Variants in LIN7A observed in about 807,000 individuals in gnomAD.
LIN7A encodes protein lin-7 homolog A.
LIN7A carries 25 observed loss-of-function variants against 29.8 expected under a neutral mutation model. The ratio of observed to expected loss-of-function variants is 0.84; its 90% CI spans 0.61 to 1.17. LIN7A has a LOEUF of 1.17. LIN7A is among the 50% of genes most tolerant of loss of function. The pLI, the probability that LIN7A is intolerant of heterozygous loss-of-function variation, is 0.00. For synonymous variants in LIN7A, 118 were observed against 107.5 expected (o/e 1.10, Z -0.60); for missense variants, 239 against 287.0 (o/e 0.83, Z 1.21).
At chr12:80,906,860 G>A (rs1422924083) in intron 1 of LIN7A, among the ~76,000 whole-genome samples, 1 of 152,076 alleles carries the variant, frequency 6.6e-6, no homozygotes, top group Non-Finnish European at 1.5e-5. Flanking sequence ...AAAAAGAACG[G>A]AGCTAGGAAC....
At chr12:80,923,090 T>G (rs1877399180) in intron 1 of LIN7A, among the ~76,000 whole-genome samples, 1 of 152,136 alleles carries the variant, frequency 6.6e-6, no homozygotes, top group Admixed American at 6.5e-5. Context: ...TCACCTAATG[T>G]GGGCAGGCAC....
At chr12:80,903,667 TA>T (rs1332420872) in intron 1 of LIN7A, among the ~76,000 whole-genome samples, 2 of 150,928 alleles carry the variant, frequency 1.3e-5, no homozygotes, top group South Asian at 2.1e-4. Context: ...CTTTTTGTTA[TA>T]AAGATTTTTT....
At chr12:80,855,739 A>G (rs1398836743) in intron 2 of LIN7A, among the ~76,000 whole-genome samples, 1 of 152,156 alleles carries the variant, frequency 6.6e-6, no homozygotes, top group East Asian at 1.9e-4. Flanking sequence ...AAGTGCCCTG[A>G]TGTAAATGTA....
chr12:80,891,737 G>T (rs1360920170), intron 1 of LIN7A, among the ~76,000 whole-genome samples: 2 of 152,160 alleles, frequency 1.3e-5, no homozygotes, highest in African/African-American at 2.4e-5. Context: ...AGTCAGGGAG[G>T]ATCTATTTGT....
chr12:80,860,338 A>G (rs573544374), intron 2 of LIN7A, among the ~76,000 whole-genome samples: 16 of 152,372 alleles, frequency 1.1e-4, no homozygotes, highest in Non-Finnish European at 2.2e-4. Flanking sequence ...ATTGACATCA[A>G]TGAAAGAATG....
chr12:80,825,546 C>G (rs1872021983), intron 4 of LIN7A, among the ~76,000 whole-genome samples: 1 of 152,166 alleles, frequency 6.6e-6, no homozygotes, highest in Non-Finnish European at 1.5e-5. Context: ...TGGGCTGTTA[C>G]AGTGATGGAA....
chr12:80,896,604 T>C (rs1232676537), intron 1 of LIN7A, among the ~76,000 whole-genome samples: 1 of 152,210 alleles, frequency 6.6e-6, no homozygotes, highest in Admixed American at 6.5e-5. Flanking sequence ...GTTCCTCAAA[T>C]GCAGACTAAT....
chr12:80,835,820 G>A (rs1197392606), intron 4 of LIN7A, among the ~76,000 whole-genome samples: 1 of 152,058 alleles, frequency 6.6e-6, no homozygotes, highest in Non-Finnish European at 1.5e-5. Flanking sequence ...GAATTTGAAT[G>A]AGTCCCTTTT....
chr12:80,840,927 A>G (rs150976405), intron 4 of LIN7A, among the ~76,000 whole-genome samples: 3 of 152,246 alleles, frequency 2.0e-5, no homozygotes, highest in East Asian at 3.9e-4. Flanking sequence ...CTGCCTTATG[A>G]TTTAGTCTTT....
intron 5 of LIN7A, among the ~76,000 whole-genome samples, chr12:80,799,959 C>T (rs1870634494): frequency 6.6e-6 from 1 of 151,942 alleles, no homozygotes; most frequent in African/African-American, 2.4e-5. Flanking sequence ...CCAGCCTAGG[C>T]AACATAGCAA....
chr12:80,924,778 T>C (rs576883653), intron 1 of LIN7A, among the ~76,000 whole-genome samples: 1 of 152,336 alleles, frequency 6.6e-6, no homozygotes, highest in South Asian at 2.1e-4. Flanking sequence ...TTGATATCTG[T>C]ATATGATTAG....
chr12:80,895,831 A>G (rs968908304), intron 1 of LIN7A, among the ~76,000 whole-genome samples: 1 of 152,130 alleles, frequency 6.6e-6, no homozygotes, highest in Non-Finnish European at 1.5e-5. Context: ...GATAACTGCC[A>G]TGTGCTAAGG....
chr12:80,927,816 G>A (rs1877685796), intron 1 of LIN7A, among the ~76,000 whole-genome samples: 1 of 152,064 alleles, frequency 6.6e-6, no homozygotes, highest in South Asian at 2.1e-4. Flanking sequence ...CCGTCAACTC[G>A]TCATTTACAT....
intron 2 of LIN7A, among the ~76,000 whole-genome samples, chr12:80,888,355 T>C (rs1016544493): frequency 6.6e-6 from 1 of 152,116 alleles, no homozygotes; most frequent in Non-Finnish European, 1.5e-5. Context: ...CTAGTATTGT[T>C]GAGGCAAAAG....
chr12:80,910,900 T>C (rs1019152733), intron 1 of LIN7A, among the ~76,000 whole-genome samples: 9 of 152,158 alleles, frequency 5.9e-5, no homozygotes, highest in African/African-American at 2.2e-4. Context: ...TTTGTACAAC[T>C]AAAATGAGAA....
At chr12:80,822,849 T>C (rs1348411566) in intron 4 of LIN7A, among the ~76,000 whole-genome samples, 1 of 151,866 alleles carries the variant, frequency 6.6e-6, no homozygotes, top group Admixed American at 6.6e-5. Flanking sequence ...TGGAAAGGGG[T>C]GGATTGCTGG....
intron 2 of LIN7A, among the ~76,000 whole-genome samples, chr12:80,856,286 A>C (rs1261172772): frequency 6.6e-6 from 1 of 152,212 alleles, no homozygotes; most frequent in Non-Finnish European, 1.5e-5. Context: ...CCCGTCGGAC[A>C]AGAAAAAATA....
At chr12:80,922,259 G>A (rs1177991874) in intron 1 of LIN7A, among the ~76,000 whole-genome samples, 1 of 152,196 alleles carries the variant, frequency 6.6e-6, no homozygotes, top group Non-Finnish European at 1.5e-5. Flanking sequence ...GTATTTTAAT[G>A]ATGTTGGATA....
chr12:80,807,500 G>C (rs2121512031), intron 5 of LIN7A, among the ~76,000 whole-genome samples: 1 of 152,314 alleles, frequency 6.6e-6, no homozygotes, highest in African/African-American at 2.4e-5. Context: ...GAAGTCTTTA[G>C]TAAGACCTCA....
Sources: gnomAD v4.1 joint callset for allele counts (sites outside exome capture counted in the v4.1 genomes callset) on GRCh38, gnomAD v4.1.1 for gene constraint, MANE v1.5 for transcripts, NCBI Gene and HGNC (gene_info 2026-07-23, HGNC 2026-07-21) for gene names.